MRPL14: variants seen among roughly 807,000 people sequenced by gnomAD.
MRPL14 encodes the protein large ribosomal subunit protein uL14m.
A neutral mutation model predicts 10.9 loss-of-function variants in MRPL14; 8 were observed. The observed-to-expected ratio is 0.74, with a 90% CI of 0.43 to 1.33. MRPL14 has a LOEUF of 1.33. MRPL14 is among the 40% of genes most tolerant of loss of function. The pLI, the probability that MRPL14 is intolerant of heterozygous loss-of-function variation, is 0.01. For missense variants in MRPL14, 179 were observed against 194.5 expected, an observed-to-expected ratio of 0.92 and a Z score of 0.47; for synonymous variants, 82 against 74.1, an observed-to-expected ratio of 1.11 and a Z score of -0.54.
intron 1 of MRPL14, among the ~76,000 whole-genome samples, chr6:44,118,326 T>C (rs1420004598): frequency 6.6e-6 from 1 of 152,198 alleles, no homozygotes; most frequent in East Asian, 1.9e-4. Flanking sequence ...GCAAAGCACT[T>C]AGCACAGTGC....
chr6:44,127,415 C>T lies in MRPL14; in HGVS notation c.-90G>A, dbSNP rs1777324730. On this transcript the variant is annotated 5_prime_UTR_variant, in exon 1 of 3. Transcript: ENST00000372014. ...GCGCCGCCTTCGCCCCACGCGGCCT[C>T]TTCCTAGCGCCTGCGCGCCAGGCCC... The T allele has an allele frequency of 6.6e-6, 1 of 152,298 alleles. No individual in the cohort carries two copies. Among genetic ancestry groups the T allele is most frequent in the South Asian group, 2.1e-4 (1 of 4,838 alleles). 9.4% of individuals were successfully genotyped at this position (152,298 alleles called of 1,614,324 possible). A position where few individuals can be genotyped will look rare whatever the true frequency, so the allele number is the denominator to read the frequency against.
intron 2 of MRPL14, among the ~76,000 whole-genome samples, chr6:44,116,057 G>A (rs1775815681): frequency 6.6e-6 from 1 of 152,240 alleles, no homozygotes; most frequent in Admixed American, 6.5e-5. Context: ...AATGCCTGTG[G>A]GATGAGGGCA....
intron 1 of MRPL14, among the ~76,000 whole-genome samples, chr6:44,122,143 C>T (rs954566437): frequency 4.6e-5 from 7 of 151,470 alleles, no homozygotes; most frequent in African/African-American, 1.2e-4. Context: ...AGTACAGTGA[C>T]GCCATCTCAG....
chr6:44,126,480 C>T (rs1176457382), intron 1 of MRPL14, among the ~76,000 whole-genome samples: 1 of 152,230 alleles, frequency 6.6e-6, no homozygotes, highest in Non-Finnish European at 1.5e-5. Context: ...CCCAGGTGGG[C>T]AGTGTCCTTC....
rs1328719059 is a variant in MRPL14 at position 44,114,019 on chromosome 6, C to G, written c.262G>C (p.Gly88Arg). 1.2e-6 allele frequency: 2 copies of G among 1,614,040 alleles called. No individual in the cohort carries two copies. Among genetic ancestry groups the G allele is most frequent in the African/African-American group, 2.7e-5 (2 of 74,902 alleles). Residue 88 changes from glycine to arginine, a missense_variant, in exon 3 of 3, where the codon GGG (glycine) becomes CGG (arginine). Gly to Arg is a moderately radical substitution (Grantham distance 125). Transcript: ENST00000372014. ...KGQKKKALIVGHCMPGPRMTP... is the reference protein window; with the variant it reads ...KGQKKKALIVRHCMPGPRMTP... ...ATTCGGGGGCCAGGCATGCAGTGCC[C>G]CACAATGAGCGCCTTTTTCTTCTGT...
chr6:44,118,250 G>A (rs1378857787), intron 1 of MRPL14, among the ~76,000 whole-genome samples: 2 of 152,016 alleles, frequency 1.3e-5, no homozygotes, highest in African/African-American at 2.4e-5. Context: ...TTTACCATCT[G>A]TAACACAGGG....
intron 1 of MRPL14, among the ~76,000 whole-genome samples, chr6:44,121,135 T>C (rs141372499): frequency 7.9e-5 from 12 of 152,258 alleles, no homozygotes; most frequent in African/African-American, 2.9e-4. Flanking sequence ...CTAGTCTATA[T>C]ACAATGGTTG....
intron 1 of MRPL14, among the ~76,000 whole-genome samples, chr6:44,124,674 A>C (rs1454300707): frequency 6.6e-6 from 1 of 152,204 alleles, no homozygotes; most frequent in Non-Finnish European, 1.5e-5. Context: ...GGTGAATGGT[A>C]AGCTACTTTA....
intron 2 of MRPL14, among the ~76,000 whole-genome samples, chr6:44,115,814 T>C (rs1775786456): frequency 6.6e-6 from 1 of 152,036 alleles, no homozygotes; most frequent in African/African-American, 2.4e-5. Context: ...TCTGCCCCCA[T>C]CTCCCTTTTG....
intron 2 of MRPL14, among the ~76,000 whole-genome samples, chr6:44,114,703 G>C (rs2128192092): frequency 6.6e-6 from 1 of 152,238 alleles, no homozygotes; most frequent in Non-Finnish European, 1.5e-5. Flanking sequence ...CCACCTCCCG[G>C]GTTCACACCA....
chr6:44,120,693 T>C (rs1180968599), intron 1 of MRPL14, among the ~76,000 whole-genome samples: 2 of 152,182 alleles, frequency 1.3e-5, no homozygotes, highest in East Asian at 3.8e-4. Context: ...TCTTCCACCC[T>C]AGCAAAAGAC....
intron 1 of MRPL14, among the ~76,000 whole-genome samples, chr6:44,120,296 T>C (rs1562099954): frequency 2.0e-5 from 3 of 152,212 alleles, no homozygotes; most frequent in South Asian, 4.1e-4. Flanking sequence ...TTTGTATACT[T>C]TGAGATAAGT....
intron 1 of MRPL14, among the ~76,000 whole-genome samples, chr6:44,124,392 T>G (rs713050): frequency 0.14 from 21,424 of 152,178 alleles, 1,637 homozygotes; most frequent in Admixed American, 0.2. Flanking sequence ...GCTTCACTCA[T>G]GTAAGGGATC....
At chr6:44,125,746 G>A (rs997999386) in intron 1 of MRPL14, among the ~76,000 whole-genome samples, 1 of 148,722 alleles carries the variant, frequency 6.7e-6, no homozygotes, top group Middle Eastern at 3.6e-3. Context: ...CCATTTTTCA[G>A]ATATCCATTA....
intron 1 of MRPL14, among the ~76,000 whole-genome samples, chr6:44,124,845 AG>A (rs1459189597): frequency 6.6e-6 from 1 of 152,240 alleles, no homozygotes; most frequent in Non-Finnish European, 1.5e-5. Flanking sequence ...CCTATAAAAT[AG>A]AAGGCTAAAC....
chr6:44,124,399 G>A (rs1169323725), intron 1 of MRPL14, among the ~76,000 whole-genome samples: 1 of 152,196 alleles, frequency 6.6e-6, no homozygotes, highest in Non-Finnish European at 1.5e-5. Flanking sequence ...TCATGTAAGG[G>A]ATCATTTTAA....
chr6:44,114,560 C>A (rs1775655912), intron 2 of MRPL14, among the ~76,000 whole-genome samples: 1 of 152,356 alleles, frequency 6.6e-6, no homozygotes, highest in Middle Eastern at 3.4e-3. Flanking sequence ...GGCTAGGCCT[C>A]ACCCACTGCC....
intron 1 of MRPL14, among the ~76,000 whole-genome samples, chr6:44,117,854 T>TG (rs894006412): frequency 2.8e-5 from 4 of 140,618 alleles, no homozygotes; most frequent in Non-Finnish European, 4.6e-5. Flanking sequence ...TTTTTTTTTT[T>TG]TTTTTTTTTT....
At chr6:44,120,671 G>A (rs573573722) in intron 1 of MRPL14, among the ~76,000 whole-genome samples, 1 of 152,142 alleles carries the variant, frequency 6.6e-6, no homozygotes, top group East Asian at 1.9e-4. Context: ...AAAACAAACT[G>A]TTATACCCTC....
Sources: gnomAD v4.1 joint callset for allele counts (sites outside exome capture counted in the v4.1 genomes callset) on GRCh38, gnomAD v4.1.1 for gene constraint, MANE v1.5 for transcripts, NCBI Gene and HGNC (gene_info 2026-07-23, HGNC 2026-07-21) for gene names.